TBCD: variants seen among roughly 807,000 people sequenced by gnomAD.
TBCD encodes the protein tubulin-specific chaperone D.
Under a neutral mutation model 169.3 loss-of-function variants are expected in TBCD, and 105 were observed. The observed-to-expected ratio is 0.62, with a 90% CI of 0.53 to 0.73. The LOEUF (loss-of-function observed/expected upper bound fraction) is 0.73, where lower values mean the gene tolerates loss of function less well. Among genes scored for constraint, TBCD ranks in the 30% least tolerant of loss-of-function variants. TBCD has a pLI of 0.00. For missense variants in TBCD, 1,444 were observed against 1,600.1 expected, an observed-to-expected ratio of 0.90 and a Z score of 1.66; for synonymous variants, 700 against 643.9, an observed-to-expected ratio of 1.09 and a Z score of -1.32.
At chr17:82,760,294 C>T (rs2047686172) in intron 2 of TBCD, among the ~76,000 whole-genome samples, 1 of 152,258 alleles carries the variant, frequency 6.6e-6, no homozygotes, top group Admixed American at 6.5e-5. Flanking sequence ...TATCACTCTC[C>T]ACCCTTTGGA....
intron 12 of TBCD, among the ~76,000 whole-genome samples, chr17:82,811,034 C>T (rs2051398924): frequency 6.6e-6 from 1 of 152,218 alleles, no homozygotes; most frequent in South Asian, 2.1e-4. Context: ...TAGCAGAAAA[C>T]ATGCTCTTTA....
intron 16 of TBCD, chr17:82,893,242 T>G: frequency 2.5e-6 from 1 of 404,134 alleles, no homozygotes. Flanking sequence ...GTTTACGGTG[T>G]ATGTTTTCGG....
intron 1 of TBCD, among the ~76,000 whole-genome samples, chr17:82,752,605 C>T (rs2047163149): frequency 1.3e-5 from 2 of 152,088 alleles, no homozygotes; most frequent in South Asian, 4.1e-4. Flanking sequence ...TTGGGGGGAC[C>T]GTGGCCCGCG....
At chr17:82,870,943 T>G (rs1217028322) in intron 14 of TBCD, among the ~76,000 whole-genome samples, 1 of 152,264 alleles carries the variant, frequency 6.6e-6, no homozygotes, top group Non-Finnish European at 1.5e-5. Flanking sequence ...GAGAGAATGT[T>G]CAGTAGCAAT....
rs2053637909 is a variant in TBCD, at chr17:82,832,848, T to C, written c.1318+17914T>C. On this transcript the variant is annotated intron_variant, in intron 13 of 38. Transcript: ENST00000355528. The surrounding 1 kb of genome is among the most constrained non-coding windows in gnomAD (Gnocchi z 4.9). Reference sequence around the variant, plus strand: ...CTGACTCCCCACCGTGTTTTCTGTTTTCTGAGTCTGATCTGAAAGAGTCAC... The same window carrying C: ...CTGACTCCCCACCGTGTTTTCTGTTCTCTGAGTCTGATCTGAAAGAGTCAC... Among the ~76,000 whole-genome samples the C allele has an allele frequency of 6.6e-6, 1 of 152,190 alleles. No individual in the cohort carries two copies. Among genetic ancestry groups the C allele is most frequent in the South Asian group, 2.1e-4 (1 of 4,828 alleles).
chr17:82,881,730 A>G (rs1403691384), intron 14 of TBCD, among the ~76,000 whole-genome samples: 1 of 152,100 alleles, frequency 6.6e-6, no homozygotes, highest in Non-Finnish European at 1.5e-5. Flanking sequence ...GGTGGTTTGT[A>G]TTATGTTGTT....
intron 13 of TBCD, among the ~76,000 whole-genome samples, chr17:82,821,673 A>G (rs529216002): frequency 1.3e-5 from 2 of 152,072 alleles, no homozygotes; most frequent in African/African-American, 4.8e-5. Flanking sequence ...TGTCTTATAA[A>G]GTGTAATGGT....
chr17:82,919,149 G>A (rs990171150), intron 23 of TBCD, among the ~76,000 whole-genome samples: 1 of 152,044 alleles, frequency 6.6e-6, no homozygotes, highest in African/African-American at 2.4e-5. Context: ...CCAGAGTCTC[G>A]CCCGGCGCTT....
At chr17:82,850,316 C>CTGTTGGCTCTGCTGT (rs1567888566) in intron 13 of TBCD, among the ~76,000 whole-genome samples, 108 of 80,084 alleles carry the variant, frequency 1.3e-3, no homozygotes, top group African/African-American at 4.3e-3. Flanking sequence ...TGCTCTTCTG[C>CTGTTGGCTCTGCTGT]TGTTGGCTGT....
chr17:82,828,971 A>G (rs1251799095), intron 13 of TBCD, among the ~76,000 whole-genome samples: 1 of 143,142 alleles, frequency 7.0e-6, no homozygotes, highest in Non-Finnish European at 1.5e-5. Context: ...GTGCATACCC[A>G]CACAATCCCA....
intron 20 of TBCD, among the ~76,000 whole-genome samples, chr17:82,906,907 A>G (rs770882745): frequency 4.6e-5 from 7 of 152,252 alleles, no homozygotes; most frequent in Non-Finnish European, 7.3e-5. Flanking sequence ...AAGAAGGCAC[A>G]TGGGGTGGGG....
At chr17:82,900,206 C>T (rs144488073) in intron 17 of TBCD, among the ~76,000 whole-genome samples, 1 of 152,226 alleles carries the variant, frequency 6.6e-6, no homozygotes, top group African/African-American at 2.4e-5. Context: ...GGTCCTCCCC[C>T]ACCCTGAGGC....
intron 11 of TBCD, among the ~76,000 whole-genome samples, chr17:82,808,214 C>T (rs550889612): frequency 1.7e-4 from 26 of 152,214 alleles, no homozygotes; most frequent in African/African-American, 5.5e-4. Flanking sequence ...CCTGTGGGCT[C>T]GGGCTGTGCA....
In TBCD at chr17:82,832,474, A is replaced by G. The variant is rs2145282957; in HGVS notation, c.1318+17540A>G. 6.2e-7 allele frequency: 1 copy of G among 1,601,618 alleles called. No homozygotes were observed. The highest frequency in any genetic ancestry group is 2.2e-5 in the East Asian group (1 of 44,834). On this transcript the variant is annotated intron_variant, in intron 13 of 38. Coordinates refer to ENST00000355528, the MANE Select transcript of TBCD (RefSeq NM_005993.5). This position sits in a 1 kb window ranked among gnomAD's most constrained non-coding sequence, Gnocchi z 4.9. The stretch of plus-strand genomic sequence containing the variant: ...ACTCATTTTCCTCCTTATGCCTTGG[A>G]CTCTGGCTGTCCAGGTGGCGTGATC...
rs908573318 is a variant in TBCD, at chr17:82,939,833, T to C, written c.3479+357T>C. 4.6e-5 allele frequency among the ~76,000 whole-genome samples: 7 copies of C among 152,278 alleles called. No homozygotes were observed. The East Asian group carries it at 9.6e-4, about 21-fold the overall frequency. ...AGACCTCTCTAAAGTTCTCTTGGAA[T>C]AGGCCGTGTGAGCACCTGTTGGAAA... On this transcript the variant is annotated intron_variant, in intron 37 of 38. Coordinates refer to ENST00000355528, the MANE Select transcript of TBCD (RefSeq NM_005993.5).
Position 82,870,214 on chromosome 17 carries a change from C to G in TBCD, c.1319-10C>G, listed in dbSNP as rs1052159032. On this transcript the variant is annotated splice_polypyrimidine_tract_variant and intron_variant, in intron 13 of 38. Transcript: ENST00000355528. ...TGCTCCTCACCGTCTTTTCTCTTGT[C>G]CTTGCCCAGTTGTCGCCGTGATCCT... 7 of 1,612,584 alleles carry G rather than the reference C, an allele frequency of 4.3e-6. No homozygotes were observed. The African/African-American group carries it at 8.0e-5, about 18-fold the overall frequency.
At chr17:82,752,483 G>C (rs1023858865) in intron 1 of TBCD, 106 bp downstream of exon 1, 3 of 932,098 alleles carry the variant, frequency 3.2e-6, no homozygotes, top group Non-Finnish European at 4.0e-6. Flanking sequence ...CGGCCGCTCT[G>C]CGAGGGCTGC....
In TBCD at chr17:82,766,300, C is replaced by T. The variant is rs769827032; in HGVS notation, c.367C>T (p.Pro123Ser). 2.5e-6 allele frequency: 4 copies of T among 1,612,932 alleles called. No individual in the cohort carries two copies. Among genetic ancestry groups the T allele is most frequent in the African/African-American group, 1.3e-5 (1 of 74,888 alleles). ...CTATAAAACATTTCTTCGTTTATTT[C>T]CTCATGAAGTTGCCGATGTAGAGCC... is the stretch of plus-strand genomic sequence containing the variant. Reference protein sequence around the residue: ...RGYKTFLRLFPHEVADVEPVL... With the variant: ...RGYKTFLRLFSHEVADVEPVL... Residue 123 changes from proline to serine, a missense_variant, in exon 4 of 39, where the codon CCT becomes TCT. Pro to Ser is a moderately conservative substitution (Grantham distance 74, BLOSUM62 -1). Transcript: ENST00000355528.
chr17:82,861,768 A>T (rs887642330), intron 13 of TBCD, among the ~76,000 whole-genome samples: 1 of 152,134 alleles, frequency 6.6e-6, no homozygotes, highest in African/African-American at 2.4e-5. Flanking sequence ...TGGGCATAGG[A>T]TGGCTAAGGT....
Sources: gnomAD v4.1 joint callset for allele counts (sites outside exome capture counted in the v4.1 genomes callset) on GRCh38, gnomAD v4.1.1 for gene constraint, Gnocchi (gnomAD v3.1) non-coding constraint, MANE v1.5 for transcripts, NCBI Gene and HGNC (gene_info 2026-07-23, HGNC 2026-07-21) for gene names.